The following NUP50 variants were observed in gnomAD, a reference collection of about 807,000 sequenced individuals.
The protein encoded by NUP50 is nuclear pore complex protein Nup50.
NUP50 carries 14 observed loss-of-function variants against 36.8 expected under a neutral mutation model. The ratio of observed to expected loss-of-function variants is 0.38; its 90% confidence interval spans 0.25 to 0.59. The LOEUF is 0.59. NUP50 is among the 20% of genes least tolerant of loss of function. The pLI, the probability that NUP50 is intolerant of heterozygous loss-of-function variation, is 0.63. For missense variants in NUP50, 455 were observed against 564.6 expected, an observed-to-expected ratio of 0.81 and a Z score of 1.97; for synonymous variants, 195 against 210.8, an observed-to-expected ratio of 0.93 and a Z score of 0.65.
chr22:45,184,469 C>T lies in NUP50; in HGVS notation c.1221C>T (p.Asn407=), dbSNP rs769925661. ...ADTNLGNILL[N]VLIPPNMPCT... ...TGAATGCAGGCAACATATTGCTGAACGTTCTGATTCCACCCAATATGCCAT... is the reference window on the plus strand; with the variant it reads ...TGAATGCAGGCAACATATTGCTGAATGTTCTGATTCCACCCAATATGCCAT... The change falls in exon 8 of 8, where the codon AAC becomes AAT. Residue 407 remains asparagine (N), a synonymous_variant. Transcript: ENST00000347635. The T allele has an allele frequency of 1.5e-5, 24 of 1,613,884 alleles. No individual in the cohort carries two copies. The South Asian group carries it at 2.2e-4, about 15-fold the overall frequency.
At chr22:45,165,288 C>T (rs896931358) in intron 1 of NUP50, among the ~76,000 whole-genome samples, 7 of 152,188 alleles carry the variant, frequency 4.6e-5, no homozygotes, top group African/African-American at 1.7e-4. Flanking sequence ...TGTCACCAGG[C>T]CTCAGTGTAG....
intron 2 of NUP50, among the ~76,000 whole-genome samples, chr22:45,170,794 T>C (rs2074179388): frequency 6.6e-6 from 1 of 152,196 alleles, no homozygotes; most frequent in Non-Finnish European, 1.5e-5. Flanking sequence ...TATTCAGGAA[T>C]GAAAGAACTC....
chr22:45,169,200 C>T (rs921257457), intron 2 of NUP50, among the ~76,000 whole-genome samples: 1 of 152,164 alleles, frequency 6.6e-6, no homozygotes, highest in African/African-American at 2.4e-5. Flanking sequence ...CCGCACCCAA[C>T]CCCCCAAAAA....
chr22:45,181,246 G>A, intron 5 of NUP50, 40 bp from the exon 6 acceptor site: 1 of 1,439,174 alleles, frequency 6.9e-7, no homozygotes, highest in Non-Finnish European at 9.5e-7. Context: ...TTTAAGCTCT[G>A]GATTGGAATC....
intron 2 of NUP50, among the ~76,000 whole-genome samples, chr22:45,169,184 G>A (rs2074144749): frequency 6.6e-6 from 1 of 152,164 alleles, no homozygotes; most frequent in African/African-American, 2.4e-5. Context: ...TTACAGGCGA[G>A]AACCACCGCA....
chr22:45,171,792 C>T lies in NUP50; in HGVS notation c.153+109C>T, dbSNP rs542757025. On this transcript the variant is annotated intron_variant, in intron 3 of 7. Transcript: ENST00000347635. ...TATCAACAAATGCTTTCTTAAAATA[C>T]TTATTCTTTGATGTAGGTCATGGGA... 1.9e-4 allele frequency: 167 copies of T among 887,828 alleles called. No homozygotes were observed. In the African/African-American group the frequency reaches 2.6e-3, roughly 14 times the overall value. The allele number at this position is 887,828 out of a possible 1,614,324, so 55.0% of individuals were successfully genotyped here. A position where few individuals can be genotyped will look rare whatever the true frequency, so the allele number is the denominator to read the frequency against.
At position 45,172,092 on chromosome 22, in the gene NUP50, A is replaced by G. The variant is rs142303424; in HGVS notation, c.153+409A>G. The G allele has an allele frequency of 8.3e-5, 14 of 168,710 alleles. No homozygotes were observed. The East Asian group carries it at 1.9e-3, about 23-fold the overall frequency. The allele number at this position is 168,710 out of a possible 1,614,324, so 10.5% of individuals were successfully genotyped here. ...GCATTTTAGGTGTGGATTTTTTGCT[A>G]GTATAGTATATTAAAATGATTCATT... is the stretch of plus-strand genomic sequence containing the variant. On this transcript the variant is annotated intron_variant, in intron 3 of 7. Coordinates refer to ENST00000347635, the MANE Select transcript of NUP50 (RefSeq NM_007172.4).
chr22:45,168,266 A>C lies in NUP50; in HGVS notation c.69+20A>C, dbSNP rs769814572. On this transcript the variant is annotated intron_variant, in intron 2 of 7. Transcript: ENST00000347635. ...GAAGAGGTAAAAAGCAGCTTCCCTA[A>C]GAATGATTTCCTGTTTCTTTTGCCT... is the stretch of plus-strand genomic sequence containing the variant. 5 of 1,584,238 alleles carry C rather than the reference A, an allele frequency of 3.2e-6. No homozygotes were observed. The highest frequency in any genetic ancestry group is 4.3e-6 in the Non-Finnish European group (5 of 1,162,852).
At chr22:45,183,088 G>GC (rs2097244656) in intron 6 of NUP50, among the ~76,000 whole-genome samples, 1 of 11,834 alleles carries the variant, frequency 8.5e-5, no homozygotes, top group Admixed American at 8.1e-4. Flanking sequence ...TTGGGGGCGG[G>GC]GGGGGGGGGG....
chr22:45,167,271 G>T (rs1373099801), intron 1 of NUP50, among the ~76,000 whole-genome samples: 1 of 152,200 alleles, frequency 6.6e-6, no homozygotes, highest in East Asian at 1.9e-4. Context: ...AAATGGAAAG[G>T]TTTTTTGTCC....
At chr22:45,164,600 C>G (rs2074064317) in intron 1 of NUP50, 1 of 149,524 alleles carries the variant, frequency 6.7e-6, no homozygotes, top group Admixed American at 6.7e-5. Context: ...GGGTCGGGCG[C>G]ACGGGCCGGG....
In NUP50 at chr22:45,178,434, C is replaced by G; in HGVS notation, c.537C>G (p.Pro179=). 1.2e-6 allele frequency: 2 copies of G among 1,612,800 alleles called. No homozygotes were observed. Among genetic ancestry groups the G allele is most frequent in the Non-Finnish European group, 1.7e-6 (2 of 1,179,714 alleles). Residue 179 remains proline, a synonymous_variant, in exon 5 of 8, where the codon CCC becomes CCG. Transcript: ENST00000347635. ...TAGTGAAGCACGTGAATACAAACCC[C>G]CTCTGTGATCTGACACCTATCTTTA... The part of the protein sequence containing the change: ...DWIVKHVNTN[P]LCDLTPIFKD...
chr22:45,173,629 A>G (rs1433283063), intron 3 of NUP50, among the ~76,000 whole-genome samples: 2 of 152,164 alleles, frequency 1.3e-5, no homozygotes, highest in East Asian at 1.9e-4. Flanking sequence ...GATTGAGGCC[A>G]TGGGAATGGG....
At chr22:45,169,786 GGA>G in intron 2 of NUP50, among the ~76,000 whole-genome samples, 1 of 152,244 alleles carries the variant, frequency 6.6e-6, no homozygotes, top group East Asian at 1.9e-4. Flanking sequence ...ACCGTGAAAG[GGA>G]GTCTCCTTTA....
chr22:45,171,379 A>G (rs2147673685), intron 2 of NUP50, among the ~76,000 whole-genome samples: 1 of 152,200 alleles, frequency 6.6e-6, no homozygotes, highest in Non-Finnish European at 1.5e-5. Context: ...TTTCATTTTT[A>G]GTAGCGACAG....
Position 45,171,637 on chromosome 22 carries a change from A to C in NUP50, c.107A>C (p.Lys36Thr). ...TFSMASEEVL[K>T]NRAIKKAKRR... ...TCCATGGCCAGTGAGGAAGTCTTGA[A>C]GAATAGAGCCATAAAGAAAGCAAAG... The change falls in exon 3 of 8, where the codon AAG (lysine) becomes ACG (threonine). Residue 36 changes from lysine (K) to threonine (T), a missense_variant. This residue lies in a region of NUP50 where 166 missense variants were observed against 202.8 expected (regional missense o/e 0.82). Coordinates refer to ENST00000347635, the MANE Select transcript of NUP50 (RefSeq NM_007172.4). The C allele has an allele frequency of 1.2e-6, 2 of 1,614,192 alleles. No homozygotes were observed. Among genetic ancestry groups the C allele is most frequent in the Admixed American group, 3.3e-5 (2 of 60,026 alleles).
chr22:45,175,403 G>A (rs1182973652), intron 3 of NUP50, among the ~76,000 whole-genome samples: 3 of 152,218 alleles, frequency 2.0e-5, no homozygotes, highest in Non-Finnish European at 2.9e-5. Flanking sequence ...CTAAGTTTTT[G>A]TAGGCTGAAA....
intron 4 of NUP50, among the ~76,000 whole-genome samples, chr22:45,176,578 C>G (rs765890116): frequency 1.3e-5 from 2 of 152,052 alleles, no homozygotes; most frequent in Non-Finnish European, 2.9e-5. Flanking sequence ...GTCAAAAACT[C>G]TTGGAATTAG....
intron 4 of NUP50, among the ~76,000 whole-genome samples, chr22:45,176,636 T>A (rs548206049): frequency 2.6e-5 from 4 of 152,346 alleles, no homozygotes; most frequent in Non-Finnish European, 5.9e-5. Flanking sequence ...TGATCCTGAC[T>A]GGTTGGGTTG....
Sources: gnomAD v4.1 joint callset for allele counts (sites outside exome capture counted in the v4.1 genomes callset) on GRCh38, gnomAD v4.1.1 for gene constraint, gnomAD v4.1.1 regional missense constraint, MANE v1.5 for transcripts, NCBI Gene and HGNC (gene_info 2026-07-23, HGNC 2026-07-21) for gene names.